The following ABTB3 variants were observed in gnomAD, a reference collection of about 807,000 sequenced individuals.
ABTB3 encodes the protein ankyrin repeat and BTB domain containing 3, also known as ankyrin repeat- and BTB/POZ domain-containing protein 3.
chr12:107,379,314 C>T, the ABTB3 span, among the ~76,000 whole-genome samples: 1 of 152,066 alleles, frequency 6.6e-6, no homozygotes, highest in East Asian at 1.9e-4. Context: ...AATTGTAGCT[C>T]CCATAATCCC....
chr12:107,334,308 A>G, the ABTB3 span, among the ~76,000 whole-genome samples: 1,327 of 152,244 alleles, frequency 8.7e-3, 9 homozygotes, highest in Middle Eastern at 0.031. Flanking sequence ...TGGCCTAGCC[A>G]GGGTGGTAGC....
the ABTB3 span, among the ~76,000 whole-genome samples, chr12:107,468,601 G>A: frequency 6.6e-6 from 1 of 152,294 alleles, no homozygotes; most frequent in East Asian, 1.9e-4. Flanking sequence ...CGGATTGTGA[G>A]CTGAGGGGCA....
At chr12:107,447,594 A>G in the ABTB3 span, among the ~76,000 whole-genome samples, 2 of 152,194 alleles carry the variant, frequency 1.3e-5, no homozygotes, top group Admixed American at 6.5e-5. Context: ...CTTGCCTGCA[A>G]CTGGGATGTT....
the ABTB3 span, among the ~76,000 whole-genome samples, chr12:107,555,280 C>G: frequency 6.6e-6 from 1 of 152,202 alleles, no homozygotes; most frequent in Non-Finnish European, 1.5e-5. Flanking sequence ...ACTTCACCCA[C>G]TTCAGGGCTG....
At chr12:107,375,104 T>C in the ABTB3 span, among the ~76,000 whole-genome samples, 7 of 152,150 alleles carry the variant, frequency 4.6e-5, no homozygotes, top group African/African-American at 1.4e-4. Flanking sequence ...AGGTGTTAAG[T>C]GTTAGGGGTT....
chr12:107,364,272 A>G, the ABTB3 span, among the ~76,000 whole-genome samples: 2 of 151,898 alleles, frequency 1.3e-5, no homozygotes, highest in Admixed American at 6.6e-5. Flanking sequence ...TGGCTCTCAA[A>G]TACTTTTCTT....
At chr12:107,635,409 C>A in the ABTB3 span, 240,392 of 1,604,826 alleles carry the variant, frequency 0.15, 19,809 homozygotes, top group Non-Finnish European at 0.17. Flanking sequence ...TTCCCCCAGG[C>A]CTGTGTTGGC....
At chr12:107,635,202 T>A in the ABTB3 span, 1 of 1,232,728 alleles carries the variant, frequency 8.1e-7, no homozygotes, top group Non-Finnish European at 1.2e-6. Flanking sequence ...TCTTATCACC[T>A]GGAGGGACGC....
chr12:107,651,174 C>T, the ABTB3 span, among the ~76,000 whole-genome samples: 2 of 152,098 alleles, frequency 1.3e-5, no homozygotes, highest in Non-Finnish European at 2.9e-5. Context: ...CAGATCCCTG[C>T]CCTCCTGGAC....
At chr12:107,407,989 A>ACCTCCAC in the ABTB3 span, among the ~76,000 whole-genome samples, 4 of 152,028 alleles carry the variant, frequency 2.6e-5, no homozygotes, top group African/African-American at 9.6e-5. Flanking sequence ...CCAACCCCCA[A>ACCTCCAC]CCTCCACGTC....
At chr12:107,400,017 T>G in the ABTB3 span, among the ~76,000 whole-genome samples, 1 of 152,220 alleles carries the variant, frequency 6.6e-6, no homozygotes, top group African/African-American at 2.4e-5. Flanking sequence ...GGATACAAAC[T>G]CATTCTTTTT....
At chr12:107,439,567 G>C in the ABTB3 span, among the ~76,000 whole-genome samples, 2 of 152,062 alleles carry the variant, frequency 1.3e-5, no homozygotes, top group African/African-American at 2.4e-5. Context: ...CCTTCCCCCT[G>C]CCCTTCTCAG....
chr12:107,438,853 A>G, the ABTB3 span, among the ~76,000 whole-genome samples: 23 of 152,226 alleles, frequency 1.5e-4, 1 homozygote, highest in African/African-American at 4.8e-4. Flanking sequence ...CTTGGGGGGA[A>G]GTTGCTCCAG....
the ABTB3 span, among the ~76,000 whole-genome samples, chr12:107,388,855 T>C: frequency 6.6e-6 from 1 of 152,266 alleles, no homozygotes. Context: ...TTGTTAATGA[T>C]GATGATGGTT....
chr12:107,370,726 G>C, the ABTB3 span, among the ~76,000 whole-genome samples: 9 of 150,442 alleles, frequency 6.0e-5, no homozygotes. Context: ...GCTCTGTGAA[G>C]GTGCTTCTTT....
the ABTB3 span, chr12:107,543,851 A>G: frequency 1.6e-6 from 2 of 1,289,002 alleles, no homozygotes; most frequent in Non-Finnish European, 2.1e-6. Flanking sequence ...TGCAAGGACC[A>G]GGGTCTCCAC....
chr12:107,341,319 T>A, the ABTB3 span, among the ~76,000 whole-genome samples: 1 of 152,164 alleles, frequency 6.6e-6, no homozygotes, highest in African/African-American at 2.4e-5. Flanking sequence ...AGGGTCAACC[T>A]GGAGGTTGAC....
At chr12:107,654,330 G>T in the ABTB3 span, among the ~76,000 whole-genome samples, 1 of 149,782 alleles carries the variant, frequency 6.7e-6, no homozygotes, top group African/African-American at 2.5e-5. Context: ...TTTTAATCTT[G>T]CTCTGTTACC....
the ABTB3 span, among the ~76,000 whole-genome samples, chr12:107,485,807 G>T: frequency 1.3e-5 from 2 of 152,098 alleles, no homozygotes; most frequent in Non-Finnish European, 2.9e-5. Flanking sequence ...ATGTCTTAGG[G>T]TCATCTAAAG....
Sources: allele counts gnomAD v4.1 joint callset (sites outside exome capture counted in the v4.1 genomes callset), GRCh38; gene constraint gnomAD v4.1.1; transcripts MANE v1.5; gene names NCBI Gene and HGNC (gene_info 2026-07-23, HGNC 2026-07-21).